HHAT: variants seen among roughly 807,000 people sequenced by gnomAD.
HHAT encodes hedgehog acyltransferase.
In HHAT, 47 loss-of-function variants were observed where a neutral mutation model predicts 70.8. That is an observed-to-expected ratio of 0.66 (90% CI 0.53 to 0.85). The LOEUF (loss-of-function observed/expected upper bound fraction) is 0.85. Among genes scored for constraint, HHAT ranks in the 40% least tolerant of loss-of-function variants. The probability of loss-of-function intolerance (pLI) is 0.00; values close to 1 mark genes in which losing one functional copy is unlikely to be tolerated. For missense variants in HHAT, 609 were observed against 604.8 expected (o/e 1.01, Z -0.07); for synonymous variants, 228 against 247.6 (o/e 0.92, Z 0.74).
chr1:210,653,970 A>G (rs948944394), intron 11 of HHAT, among the ~76,000 whole-genome samples: 1 of 146,396 alleles, frequency 6.8e-6, no homozygotes, highest in Non-Finnish European at 1.5e-5. Context: ...TGACGGGAAT[A>G]GTGTGATGGG....
At chr1:210,661,454 G>T (rs912112969) in intron 11 of HHAT, among the ~76,000 whole-genome samples, 2 of 152,210 alleles carry the variant, frequency 1.3e-5, no homozygotes, top group African/African-American at 4.8e-5. Flanking sequence ...CTTTTGGTGG[G>T]AGTGTAAACT....
At chr1:210,407,434 C>T (rs1481963464) in intron 6 of HHAT, among the ~76,000 whole-genome samples, 1 of 152,214 alleles carries the variant, frequency 6.6e-6, no homozygotes, top group Admixed American at 6.5e-5. Context: ...TGGAAACCAA[C>T]CCCAGCGGGA....
intron 3 of HHAT, chr1:210,374,265 TG>T (rs997534006): frequency 1.2e-4 from 15 of 126,300 alleles, no homozygotes; most frequent in African/African-American, 2.6e-4. Flanking sequence ...GAGAAACCAG[TG>T]TAATGCTACA....
At chr1:210,493,956 G>A (rs1044366528) in intron 8 of HHAT, among the ~76,000 whole-genome samples, 1 of 152,094 alleles carries the variant, frequency 6.6e-6, no homozygotes, top group Admixed American at 6.5e-5. Flanking sequence ...TGAAATTGAG[G>A]GTGACCTTCC....
chr1:210,428,651 CTTCTGT>C (rs1484199680), intron 7 of HHAT, among the ~76,000 whole-genome samples: 1 of 151,478 alleles, frequency 6.6e-6, no homozygotes, highest in East Asian at 1.9e-4. Context: ...TCCTTTATCC[CTTCTGT>C]TTCTTATAAA....
chr1:210,438,630 G>A (rs2357589), intron 7 of HHAT, among the ~76,000 whole-genome samples: 71,440 of 151,436 alleles, frequency 0.47, 17,190 homozygotes, highest in Admixed American at 0.54. Flanking sequence ...TTATTTGGCT[G>A]TTTTAGGGTC....
At chr1:210,650,956 A>G (rs556243743) in intron 11 of HHAT, among the ~76,000 whole-genome samples, 3 of 152,292 alleles carry the variant, frequency 2.0e-5, no homozygotes, top group Non-Finnish European at 4.4e-5. Context: ...CTCATCAGCT[A>G]TATGAAATTT....
rs115973833 is a variant in HHAT at position 210,621,780 on chromosome 1, A to T, written c.1246-1746A>T. Among the ~76,000 whole-genome samples, 901 of 152,290 alleles carry T rather than the reference A, an allele frequency of 5.9e-3. 15 individuals carry two copies. The highest frequency in any genetic ancestry group is 0.021 in the African/African-American group (874 of 41,564). On this transcript the variant is annotated intron_variant, in intron 10 of 11. Transcript: ENST00000261458. ...TAATCTTGCCTGGTGGCCTCTAAGT[A>T]GAGACACCCTACATCACTGGAGAGC...
At chr1:210,467,936 G>A (rs1197606378) in intron 8 of HHAT, among the ~76,000 whole-genome samples, 1 of 152,080 alleles carries the variant, frequency 6.6e-6, no homozygotes, top group African/African-American at 2.4e-5. Context: ...GATAAAATTG[G>A]CCATTACCAG....
intron 3 of HHAT, among the ~76,000 whole-genome samples, chr1:210,383,946 G>T (rs2090851046): frequency 6.6e-6 from 1 of 152,124 alleles, no homozygotes; most frequent in African/African-American, 2.4e-5. Flanking sequence ...TTCTGCAGTG[G>T]GTTTTTGGTG....
At chr1:210,410,523 ATTTT>A (rs35608235) in intron 6 of HHAT, among the ~76,000 whole-genome samples, 2,398 of 116,358 alleles carry the variant, frequency 0.021, 39 homozygotes, top group South Asian at 0.061. Flanking sequence ...TTATTTGTAA[ATTTT>A]TTTTTTTTTT....
chr1:210,576,631 C>T lies in HHAT; in HGVS notation c.1044-11267C>T, dbSNP rs182726001. The stretch of plus-strand genomic sequence containing the variant: ...TGTTTACATATGTAACAAACCTGCA[C>T]GTTGTGCACATGTACCCTAAAACTT... On this transcript the variant is annotated intron_variant, in intron 9 of 11. Coordinates refer to ENST00000261458, the MANE Select transcript of HHAT (RefSeq NM_018194.6). 7.9e-5 allele frequency among the ~76,000 whole-genome samples: 12 copies of T among 151,900 alleles called. No homozygotes were observed. In the East Asian group the frequency reaches 1.4e-3, roughly 17 times the overall value.
intron 9 of HHAT, among the ~76,000 whole-genome samples, chr1:210,553,212 C>T (rs879790003): frequency 1.4e-4 from 21 of 152,192 alleles, no homozygotes; most frequent in African/African-American, 3.1e-4. Flanking sequence ...GGCTTCCTGG[C>T]GCACAGCAAG....
At chr1:210,663,403 T>C (rs1219859658) in intron 11 of HHAT, among the ~76,000 whole-genome samples, 1 of 152,224 alleles carries the variant, frequency 6.6e-6, no homozygotes, top group Non-Finnish European at 1.5e-5. Flanking sequence ...AGCAAGCTGC[T>C]GCTGTCTGAG....
At chr1:210,386,664 G>T (rs937739743) in intron 3 of HHAT, among the ~76,000 whole-genome samples, 1 of 152,166 alleles carries the variant, frequency 6.6e-6, no homozygotes, top group Non-Finnish European at 1.5e-5. Context: ...GGTGACCGAT[G>T]ACAGTGTGCA....
intron 9 of HHAT, among the ~76,000 whole-genome samples, chr1:210,536,392 G>A (rs919585650): frequency 6.6e-6 from 1 of 152,352 alleles, no homozygotes; most frequent in African/African-American, 2.4e-5. Context: ...AATGCAGCCA[G>A]TTCCCTACAG....
In HHAT at chr1:210,632,500, C is replaced by A. The variant is rs1408793954; in HGVS notation, c.1390+8830C>A. 2.0e-5 allele frequency among the ~76,000 whole-genome samples: 3 copies of A among 152,300 alleles called. No individual in the cohort carries two copies. The East Asian group carries it at 5.8e-4, about 29-fold the overall frequency. ...GCTAGCCTGGCTGGTGCCATGTCAC[C>A]TGCTCATTACTGTACACATGGTTGG... is the stretch of plus-strand genomic sequence containing the variant. On this transcript the variant is annotated intron_variant, in intron 11 of 11. Coordinates refer to ENST00000261458, the MANE Select transcript of HHAT (RefSeq NM_018194.6).
intron 11 of HHAT, among the ~76,000 whole-genome samples, chr1:210,673,955 T>TCC (rs1173774359): frequency 2.3e-5 from 1 of 43,972 alleles, no homozygotes; most frequent in Non-Finnish European, 4.9e-5. Flanking sequence ...CTTGCCCTAT[T>TCC]TCTTTTTTTT....
chr1:210,595,220 G>GT (rs1483033914), intron 10 of HHAT, among the ~76,000 whole-genome samples: 3 of 152,016 alleles, frequency 2.0e-5, no homozygotes, highest in Non-Finnish European at 4.4e-5. Context: ...GCGGTGTGTG[G>GT]TTTTTTGTCC....
Sources: allele counts gnomAD v4.1 joint callset (sites outside exome capture counted in the v4.1 genomes callset), GRCh38; gene constraint gnomAD v4.1.1; transcripts MANE v1.5; gene names NCBI Gene and HGNC (gene_info 2026-07-23, HGNC 2026-07-21).